Variants in SOX6 observed in about 807,000 individuals in gnomAD.
SOX6 encodes transcription factor SOX-6.
SOX6 carries 11 observed loss-of-function variants against 97.8 expected under a neutral mutation model. That is an observed-to-expected ratio of 0.11 (90% CI 0.07 to 0.19). The LOEUF (loss-of-function observed/expected upper bound fraction) is 0.19, where lower values mean the gene tolerates loss of function less well. SOX6 is among the 10% of genes least tolerant of loss of function. The pLI, the probability that SOX6 is intolerant of heterozygous loss-of-function variation, is 1.00. For synonymous variants in SOX6, 360 were observed against 371.4 expected, an observed-to-expected ratio of 0.97 and a Z score of 0.35; for missense variants, 810 against 1,039.5, an observed-to-expected ratio of 0.78 and a Z score of 3.04.
At chr11:16,145,324 T>C (rs1313740702) in intron 6 of SOX6, among the ~76,000 whole-genome samples, 1 of 152,170 alleles carries the variant, frequency 6.6e-6, no homozygotes, top group Non-Finnish European at 1.5e-5. Context: ...AAACTCTCAA[T>C]AAATTAGGTA....
intron 4 of SOX6, among the ~76,000 whole-genome samples, chr11:16,539,313 T>G (rs1861364142): frequency 6.6e-6 from 1 of 152,270 alleles, no homozygotes; most frequent in Middle Eastern, 3.4e-3. Flanking sequence ...GGGACACATT[T>G]AATGCAGTGT....
chr11:16,076,051 T>C (rs529844271), intron 9 of SOX6, among the ~76,000 whole-genome samples: 2 of 152,012 alleles, frequency 1.3e-5, no homozygotes, highest in Admixed American at 1.3e-4. Context: ...ACCATATCAC[T>C]ATCCATATGC....
In SOX6 at chr11:15,970,071, T is replaced by C. The variant is rs1303200687; in HGVS notation, c.*2738A>G. On this transcript the variant is annotated 3_prime_UTR_variant, in exon 16 of 16. Coordinates refer to ENST00000683767, the MANE Select transcript of SOX6 (RefSeq NM_001367873.1). Reference sequence around the variant, plus strand: ...TGAAATAACAAGACATAAAAATGACTCAAATCCGGCAACTGTGAGGCAAGC... The same window carrying C: ...TGAAATAACAAGACATAAAAATGACCCAAATCCGGCAACTGTGAGGCAAGC... The C allele has an allele frequency of 1.3e-5, 2 of 152,186 alleles. No homozygotes were observed. The highest frequency in any genetic ancestry group is 2.9e-5 in the Non-Finnish European group (2 of 68,028). 9.4% of individuals were successfully genotyped at this position (152,186 alleles called of 1,614,324 possible). A position where few individuals can be genotyped will look rare whatever the true frequency, so the allele number is the denominator to read the frequency against.
intron 9 of SOX6, among the ~76,000 whole-genome samples, chr11:16,065,471 A>AAATACC (rs1848072158): frequency 6.6e-6 from 1 of 152,106 alleles, no homozygotes; most frequent in South Asian, 2.1e-4. Flanking sequence ...AATCCACATC[A>AAATACC]AAATACCAAT....
intron 1 of SOX6, 119 bp from the exon 2 acceptor site, chr11:16,341,371 G>T: frequency 7.1e-7 from 1 of 1,417,258 alleles, no homozygotes. Flanking sequence ...GATATTTGTG[G>T]TCCACTCTAA....
intron 1 of SOX6, among the ~76,000 whole-genome samples, chr11:16,430,140 G>A (rs1451407273): frequency 6.6e-6 from 1 of 152,096 alleles, no homozygotes; most frequent in Admixed American, 6.6e-5. Flanking sequence ...TAGGAAATTT[G>A]CATATATTCT....
At chr11:16,303,257 A>G (rs1188708955) in intron 3 of SOX6, among the ~76,000 whole-genome samples, 2 of 152,198 alleles carry the variant, frequency 1.3e-5, no homozygotes, top group African/African-American at 4.8e-5. Context: ...ATAAATCAAC[A>G]GTATTTTAGG....
chr11:16,649,438 A>G (rs10741705), intron 3 of SOX6, among the ~76,000 whole-genome samples: 65,969 of 152,024 alleles, frequency 0.43, 15,271 homozygotes, highest in East Asian at 0.85. Context: ...GAAACCTTAC[A>G]AAGCCAGAAA....
chr11:16,181,029 G>C (rs1241818105), intron 6 of SOX6, among the ~76,000 whole-genome samples: 1 of 151,396 alleles, frequency 6.6e-6, no homozygotes, highest in Non-Finnish European at 1.5e-5. Context: ...TGTCTGTGTG[G>C]GGTTGTTACA....
At chr11:16,038,420 T>C (rs1431723304) in intron 12 of SOX6, among the ~76,000 whole-genome samples, 2 of 149,532 alleles carry the variant, frequency 1.3e-5, no homozygotes, top group African/African-American at 2.5e-5. Flanking sequence ...GATGGAAAAG[T>C]AGGAAGGAAA....
In SOX6 at chr11:16,104,596, T is replaced by TAC. The variant is rs528458310; in HGVS notation, c.899-6910_899-6909dup. 1.6e-3 allele frequency among the ~76,000 whole-genome samples: 242 copies of TAC among 150,486 alleles called. 3 individuals carry two copies. The highest frequency in any genetic ancestry group is 0.011 in the Admixed American group (163 of 15,022). ...TGAAAATTAAATGAGATTACACACA[T>TAC]ACACACACACACACATACACAGGTT... is the stretch of plus-strand genomic sequence containing the variant. On this transcript the variant is annotated intron_variant, in intron 7 of 15. Transcript: ENST00000683767.
chr11:16,197,339 C>T (rs553987770), intron 4 of SOX6, among the ~76,000 whole-genome samples: 1 of 151,982 alleles, frequency 6.6e-6, no homozygotes, highest in Non-Finnish European at 1.5e-5. Flanking sequence ...TGAAAACAGG[C>T]GCTTAAAAAA....
At chr11:16,542,749 A>C (rs1408202812) in intron 4 of SOX6, among the ~76,000 whole-genome samples, 5 of 152,176 alleles carry the variant, frequency 3.3e-5, no homozygotes, top group African/African-American at 1.2e-4. Flanking sequence ...AGAAATATTC[A>C]ATCCTAATAT....
At chr11:16,679,115 C>T (rs1212935393) in intron 3 of SOX6, among the ~76,000 whole-genome samples, 2 of 152,208 alleles carry the variant, frequency 1.3e-5, no homozygotes, top group African/African-American at 4.8e-5. Context: ...GTGGTTCTCC[C>T]AGCGTGGCAT....
chr11:16,699,976 C>G (rs1409396835), intron 3 of SOX6, among the ~76,000 whole-genome samples: 2 of 151,892 alleles, frequency 1.3e-5, no homozygotes, highest in Non-Finnish European at 2.9e-5. Context: ...AAAACAGGCT[C>G]AGTTCCTTCA....
chr11:16,139,598 T>C (rs1458772115), intron 6 of SOX6, among the ~76,000 whole-genome samples: 1 of 152,082 alleles, frequency 6.6e-6, no homozygotes, highest in Non-Finnish European at 1.5e-5. Context: ...AAGCACCTCC[T>C]CACTTTCTGG....
chr11:16,498,954 C>A (rs1185905018), intron 4 of SOX6, among the ~76,000 whole-genome samples: 2 of 152,160 alleles, frequency 1.3e-5, no homozygotes, highest in East Asian at 3.9e-4. Context: ...CTGCACCAAG[C>A]AGACTTAATA....
chr11:16,408,905 AT>A (rs1298581010), intron 1 of SOX6: 1 of 152,186 alleles, frequency 6.6e-6, no homozygotes, highest in Non-Finnish European at 1.5e-5. Context: ...AAGAAGAATG[AT>A]GTCATAAATG....
At chr11:15,981,540 T>A (rs1300948844) in intron 15 of SOX6, among the ~76,000 whole-genome samples, 3 of 152,062 alleles carry the variant, frequency 2.0e-5, no homozygotes, top group Non-Finnish European at 4.4e-5. Flanking sequence ...AGCCTATACG[T>A]CACATATCTC....
Sources: gnomAD v4.1 joint callset for allele counts (sites outside exome capture counted in the v4.1 genomes callset) on GRCh38, gnomAD v4.1.1 for gene constraint, MANE v1.5 for transcripts, NCBI Gene and HGNC (gene_info 2026-07-23, HGNC 2026-07-21) for gene names.